Variants in BDP1 observed in about 807,000 individuals in gnomAD.
BDP1 encodes transcription factor TFIIIB component B'' homolog.
Under a neutral mutation model 266.6 loss-of-function variants are expected in BDP1, and 169 were observed. The ratio of observed to expected loss-of-function variants is 0.63; its 90% confidence interval spans 0.56 to 0.72. The LOEUF is 0.72. BDP1 is among the 30% of genes least tolerant of loss of function. BDP1 has a pLI of 0.00. For missense variants in BDP1, 3,015 were observed against 3,053.8 expected (o/e 0.99, Z 0.30); for synonymous variants, 1,090 against 1,022.4 (o/e 1.07, Z -1.26).
intron 3 of BDP1, 145 bp downstream of exon 3, chr5:71,462,071 T>G (rs1761611920): frequency 3.5e-6 from 2 of 576,438 alleles, no homozygotes; most frequent in East Asian, 6.1e-5. Flanking sequence ...CAAGCGATTC[T>G]CCTGCCTCAG....
At chr5:71,513,440 G>A in intron 19 of BDP1, 33 bp downstream of exon 19, 1 of 1,258,698 alleles carries the variant, frequency 7.9e-7, no homozygotes, top group Non-Finnish European at 1.1e-6. Flanking sequence ...TTCTGTGTGG[G>A]TGTTTTTTTT....
chr5:71,458,935 G>A, intron 2 of BDP1, 80 bp downstream of exon 2: 2 of 1,376,324 alleles, frequency 1.5e-6, no homozygotes, highest in Non-Finnish European at 2.0e-6. Context: ...AGCATTTGTA[G>A]CATTTTGATG....
chr5:71,522,662 G>A, intron 23 of BDP1, 94 bp from the exon 24 acceptor site: 2 of 1,276,602 alleles, frequency 1.6e-6, no homozygotes, highest in Non-Finnish European at 2.2e-6. Context: ...TTGTAGATAT[G>A]TGTAAACTTA....
chr5:71,486,287 T>G (rs1160314638), intron 8 of BDP1, among the ~76,000 whole-genome samples, 197 bp from the exon 9 acceptor site: 4 of 152,168 alleles, frequency 2.6e-5, no homozygotes, highest in Non-Finnish European at 5.9e-5. Context: ...TGCTGAGTGG[T>G]GTTCTGATGT....
chr5:71,556,941 T>A lies in BDP1; in HGVS notation c.7240+16T>A. The A allele has an allele frequency of 2.2e-6, 3 of 1,394,138 alleles. No homozygotes were observed. The highest frequency in any genetic ancestry group is 2.9e-6 in the Non-Finnish European group (3 of 1,041,096). 86.4% of individuals were successfully genotyped at this position (1,394,138 alleles called of 1,614,324 possible). ...GAGGAAACAGGTAAGTGAAATACAT[T>A]TTAACATGATTGCATTTTGCTAAAT... is the stretch of plus-strand genomic sequence containing the variant. On this transcript the variant is annotated intron_variant, in intron 36 of 38. Transcript: ENST00000358731.
At chr5:71,475,260 A>G (rs1444027751) in intron 7 of BDP1, among the ~76,000 whole-genome samples, 1 of 152,034 alleles carries the variant, frequency 6.6e-6, no homozygotes. Context: ...GGCACATGCC[A>G]CTATGCCCAG....
chr5:71,508,866 A>G (rs546864982), intron 16 of BDP1, among the ~76,000 whole-genome samples: 1 of 152,296 alleles, frequency 6.6e-6, no homozygotes, highest in African/African-American at 2.4e-5. Flanking sequence ...GCAAAGTATT[A>G]TTGTGTATTT....
chr5:71,480,818 C>T (rs1287053063), intron 7 of BDP1, among the ~76,000 whole-genome samples: 1 of 152,158 alleles, frequency 6.6e-6, no homozygotes, highest in Non-Finnish European at 1.5e-5. Flanking sequence ...CTCACCTCAG[C>T]CTCCCACAGT....
chr5:71,542,238 A>C lies in BDP1; in HGVS notation c.6385A>C (p.Lys2129Gln). 1 of 1,611,012 alleles carries C rather than the reference A, an allele frequency of 6.2e-7. No homozygotes were observed. Among genetic ancestry groups the C allele is most frequent in the Middle Eastern group, 1.7e-4 (1 of 6,054 alleles). Reference sequence around the variant, plus strand: ...GGAAGTTTCCAGTTTGTGTGTAACCAAAGGGGCAGAAATGGAAACTCAAAG... The same window carrying C: ...GGAAGTTTCCAGTTTGTGTGTAACCCAAGGGGCAGAAATGGAAACTCAAAG... ...YQEVSSLCVTKGAEMETQRET... is the reference protein window; with the variant it reads ...YQEVSSLCVTQGAEMETQRET... Residue 2129 changes from lysine (K) to glutamine (Q), a missense_variant, in exon 30 of 39, where the codon AAA (lysine) becomes CAA (glutamine). By Grantham distance (53) the Lys-to-Gln change is moderately conservative. Around this residue, in one of 3 missense-constraint regions of BDP1, gnomAD observed 629 missense variants for 632.5 expected, o/e 0.99. Coordinates refer to ENST00000358731, the MANE Select transcript of BDP1 (RefSeq NM_018429.3).
chr5:71,523,027 C>A, intron 24 of BDP1, 78 bp downstream of exon 24: 2 of 1,316,400 alleles, frequency 1.5e-6, no homozygotes, highest in South Asian at 1.6e-5. Context: ...ACTGGTAGAA[C>A]AAAATTTTTG....
downstream of BDP1, among the ~76,000 whole-genome samples, chr5:71,569,452 T>G (rs1206804427): frequency 6.6e-6 from 1 of 151,130 alleles, no homozygotes; most frequent in East Asian, 1.9e-4. Context: ...TAAAAAACAT[T>G]AAAAAATAAT....
At chr5:71,507,291 C>G in intron 16 of BDP1, among the ~76,000 whole-genome samples, 1 of 152,164 alleles carries the variant, frequency 6.6e-6, no homozygotes. Flanking sequence ...CGTAGATCCA[C>G]TGTATATTTT....
downstream of BDP1, among the ~76,000 whole-genome samples, chr5:71,572,010 T>G (rs1335680175): frequency 1.3e-5 from 2 of 152,186 alleles, no homozygotes; most frequent in Non-Finnish European, 2.9e-5. Context: ...CAAACTCACT[T>G]CTGTGCCTGC....
intron 25 of BDP1, among the ~76,000 whole-genome samples, chr5:71,526,035 G>A (rs901021992): frequency 1.3e-5 from 2 of 152,102 alleles, no homozygotes; most frequent in Admixed American, 6.5e-5. Flanking sequence ...CCCAGACGGG[G>A]TGGCGGCCGG....
Position 71,514,597 on chromosome 5 carries a change from G to A in BDP1, c.4471-347G>A, listed in dbSNP as rs186392133. On this transcript the variant is annotated intron_variant, in intron 19 of 38. Transcript: ENST00000358731. Reference sequence around the variant, plus strand: ...GCTTCTTTTTAGATCAGTACAAAGAGATATATCTTCTTTTAAATGATTAGG... The same window carrying A: ...GCTTCTTTTTAGATCAGTACAAAGAAATATATCTTCTTTTAAATGATTAGG... 6.2e-3 allele frequency among the ~76,000 whole-genome samples: 948 copies of A among 152,234 alleles called. 15 individuals are homozygous for A. Among genetic ancestry groups the A allele is most frequent in the African/African-American group, 0.022 (906 of 41,554 alleles).
intron 8 of BDP1, among the ~76,000 whole-genome samples, chr5:71,484,903 A>G (rs896719723): frequency 5.9e-5 from 9 of 152,098 alleles, no homozygotes; most frequent in Non-Finnish European, 1.2e-4. Context: ...TTTTATGAGT[A>G]GACACTAAGG....
At chr5:71,533,867 TCCTATTGG>T (rs1766416246) in intron 26 of BDP1, among the ~76,000 whole-genome samples, 1 of 152,212 alleles carries the variant, frequency 6.6e-6, no homozygotes. Flanking sequence ...CATTTTATGT[TCCTATTGG>T]CCATTTGTAT....
In BDP1 at chr5:71,517,406, G is replaced by C. The variant is rs201346047; in HGVS notation, c.4945G>C (p.Val1649Leu). 3 of 1,604,464 alleles carry C rather than the reference G, an allele frequency of 1.9e-6. No homozygotes were observed. The highest frequency in any genetic ancestry group is 1.3e-5 in the African/African-American group (1 of 74,480). The part of the protein sequence containing the change: ...HRMYENQSQV[V>L]LVENLHVNKT... ...AATGTATGAAAATCAAAGTCAGGTG[G>C]TTCTTGTAGAAAACCTTCATGTTAA... The change falls in exon 22 of 39, where the codon GTT becomes CTT. Residue 1649 changes from valine to leucine, a missense_variant. Physicochemically the swap from Val to Leu is conservative, Grantham distance 32. Around this residue, in one of 3 missense-constraint regions of BDP1, gnomAD observed 2,383 missense variants for 2,404.9 expected, o/e 0.99. Transcript: ENST00000358731.
intron 34 of BDP1, among the ~76,000 whole-genome samples, chr5:71,552,618 G>A (rs1742919310): frequency 6.6e-6 from 1 of 152,264 alleles, no homozygotes; most frequent in Non-Finnish European, 1.5e-5. Context: ...AGGAGCTGGA[G>A]ACCAGCCCCG....
Sources: allele counts gnomAD v4.1 joint callset (sites outside exome capture counted in the v4.1 genomes callset), GRCh38; gene constraint gnomAD v4.1.1; regional missense constraint gnomAD v4.1.1; transcripts MANE v1.5; gene names NCBI Gene and HGNC (gene_info 2026-07-23, HGNC 2026-07-21).